PLCE1: variants seen among roughly 807,000 people sequenced by gnomAD.
PLCE1 encodes the protein 1-phosphatidylinositol 4,5-bisphosphate phosphodiesterase epsilon-1.
In PLCE1, 119 loss-of-function variants were observed where a neutral mutation model predicts 242.8. The observed-to-expected ratio is 0.49, with a 90% CI of 0.42 to 0.57. PLCE1 has a LOEUF of 0.57. PLCE1 is among the 20% of genes least tolerant of loss of function. The pLI is 0.00. For synonymous variants in PLCE1, 945 were observed against 1,017.4 expected, an observed-to-expected ratio of 0.93 and a Z score of 1.35; for missense variants, 2,441 against 2,788.8, an observed-to-expected ratio of 0.88 and a Z score of 2.81.
At chr10:94,114,803 A>G (rs2135693268) in intron 2 of PLCE1, among the ~76,000 whole-genome samples, 1 of 151,242 alleles carries the variant, frequency 6.6e-6, no homozygotes, top group Non-Finnish European at 1.5e-5. Flanking sequence ...ACATGTGCAC[A>G]CATGTGCACA....
At chr10:94,276,239 G>C (rs189241091) in intron 19 of PLCE1, among the ~76,000 whole-genome samples, 62 of 152,258 alleles carry the variant, frequency 4.1e-4, no homozygotes, top group African/African-American at 1.4e-3. Context: ...GCATTTCCCA[G>C]AGTGTGCTTC....
intron 3 of PLCE1, among the ~76,000 whole-genome samples, chr10:94,133,924 G>A (rs2046686420): frequency 6.6e-6 from 1 of 152,036 alleles, no homozygotes; most frequent in African/African-American, 2.4e-5. Context: ...CTCTGATGTG[G>A]CACCTAGAGA....
intron 3 of PLCE1, among the ~76,000 whole-genome samples, chr10:94,140,247 A>G (rs7070115): frequency 0.4 from 60,810 of 151,876 alleles, 13,230 homozygotes; most frequent in East Asian, 0.55. Flanking sequence ...TTGTTTGAAA[A>G]GAGGGAATAT....
At chr10:94,053,160 G>A (rs1405421949) in intron 2 of PLCE1, among the ~76,000 whole-genome samples, 3 of 152,150 alleles carry the variant, frequency 2.0e-5, no homozygotes, top group Non-Finnish European at 4.4e-5. Flanking sequence ...CGGCTCCACC[G>A]TTAACTAGCA....
At chr10:94,075,630 G>A (rs924687212) in intron 2 of PLCE1, among the ~76,000 whole-genome samples, 3 of 152,300 alleles carry the variant, frequency 2.0e-5, no homozygotes, top group Admixed American at 2.0e-4. Flanking sequence ...TTTGAATGAA[G>A]GGAATATTTG....
intron 3 of PLCE1, among the ~76,000 whole-genome samples, chr10:94,150,747 G>C (rs984822933): frequency 6.6e-6 from 1 of 152,172 alleles, no homozygotes; most frequent in Non-Finnish European, 1.5e-5. Context: ...GCAAGGATTT[G>C]AACTTGAGTA....
intron 1 of PLCE1, among the ~76,000 whole-genome samples, chr10:94,005,130 A>T (rs2061008371): frequency 6.6e-6 from 1 of 152,096 alleles, no homozygotes; most frequent in Non-Finnish European, 1.5e-5. Flanking sequence ...TTTATTTTTA[A>T]TTTGAAGAAT....
chr10:94,222,669 C>T (rs1345688564), intron 4 of PLCE1, among the ~76,000 whole-genome samples: 1 of 152,102 alleles, frequency 6.6e-6, no homozygotes, highest in African/African-American at 2.4e-5. Flanking sequence ...GAGGCCCCAG[C>T]ATGTTGGCCT....
intron 2 of PLCE1, among the ~76,000 whole-genome samples, chr10:94,076,971 C>A (rs1156702860): frequency 6.6e-6 from 1 of 152,194 alleles, no homozygotes; most frequent in African/African-American, 2.4e-5. Context: ...GGATAAAGTA[C>A]AAGAGGAAAG....
chr10:94,200,965 A>T (rs1311193414), intron 4 of PLCE1, among the ~76,000 whole-genome samples: 1 of 152,214 alleles, frequency 6.6e-6, no homozygotes, highest in Non-Finnish European at 1.5e-5. Context: ...CAAGTGTAAG[A>T]AACTGTTATA....
intron 23 of PLCE1, among the ~76,000 whole-genome samples, chr10:94,295,338 A>T (rs531507574): frequency 6.6e-6 from 1 of 152,208 alleles, no homozygotes; most frequent in African/African-American, 2.4e-5. Context: ...GATCTTCGCC[A>T]AGAGTAGATT....
At chr10:94,129,140 G>A (rs1157660839) in intron 2 of PLCE1, among the ~76,000 whole-genome samples, 2 of 152,182 alleles carry the variant, frequency 1.3e-5, no homozygotes, top group African/African-American at 4.8e-5. Context: ...AAGGGGAGAT[G>A]CAGAATAAGG....
chr10:94,297,125 C>T (rs554520809), intron 23 of PLCE1, among the ~76,000 whole-genome samples: 13 of 152,278 alleles, frequency 8.5e-5, no homozygotes, highest in East Asian at 1.9e-4. Context: ...GCCTCAGCCT[C>T]CCAAAGTGCT....
At chr10:94,176,785 A>T (rs992166688) in intron 4 of PLCE1, among the ~76,000 whole-genome samples, 7 of 152,188 alleles carry the variant, frequency 4.6e-5, no homozygotes, top group Non-Finnish European at 8.8e-5. Context: ...AGAAGCTATG[A>T]GACATGGACA....
chr10:94,158,960 G>A (rs905418096), intron 3 of PLCE1, among the ~76,000 whole-genome samples: 3 of 149,482 alleles, frequency 2.0e-5, no homozygotes, highest in Non-Finnish European at 4.4e-5. Flanking sequence ...GGGTTCGAGC[G>A]ATTCTCCCGC....
intron 4 of PLCE1, among the ~76,000 whole-genome samples, chr10:94,194,572 C>T (rs2048762659): frequency 6.6e-6 from 1 of 152,172 alleles, no homozygotes; most frequent in South Asian, 2.1e-4. Context: ...ACTTAGTGCA[C>T]AAGACAGTAG....
At chr10:94,256,764 C>A (rs1216715017) in intron 11 of PLCE1, among the ~76,000 whole-genome samples, 1 of 152,094 alleles carries the variant, frequency 6.6e-6, no homozygotes, top group African/African-American at 2.4e-5. Context: ...AGAAGGCCAA[C>A]CCCAGGAGGA....
At position 93,994,185 on chromosome 10, in the gene PLCE1, C is replaced by T. The variant is rs1463381401; in HGVS notation, c.-438C>T. ...CGGGGACACCCGACGCCGCTAGCGA[C>T]AGGCGCGCGGACGGCTGGTCCCAGA... is the stretch of plus-strand genomic sequence containing the variant. On this transcript the variant is annotated 5_prime_UTR_variant, in exon 1 of 33. Coordinates refer to ENST00000371380, the MANE Select transcript of PLCE1 (RefSeq NM_016341.4). Among the ~76,000 whole-genome samples, 2 of 152,316 alleles carry T rather than the reference C, an allele frequency of 1.3e-5. No homozygotes were observed. Among genetic ancestry groups the T allele is most frequent in the Middle Eastern group, 3.4e-3 (1 of 294 alleles).
intron 4 of PLCE1, among the ~76,000 whole-genome samples, chr10:94,189,854 C>G (rs1201616120): frequency 6.6e-6 from 1 of 152,166 alleles, no homozygotes; most frequent in African/African-American, 2.4e-5. Context: ...AGGTCAAGAG[C>G]ATGTGCTTTA....
Sources: gnomAD v4.1 joint callset for allele counts (sites outside exome capture counted in the v4.1 genomes callset) on GRCh38, gnomAD v4.1.1 for gene constraint, MANE v1.5 for transcripts, NCBI Gene and HGNC (gene_info 2026-07-23, HGNC 2026-07-21) for gene names.